GRID1: variants seen among roughly 807,000 people sequenced by gnomAD.
GRID1 encodes the protein glutamate ionotropic receptor delta type subunit 1.
A neutral mutation model predicts 98.0 loss-of-function variants in GRID1; 28 were observed. That is an observed-to-expected ratio of 0.29 (90% confidence interval 0.21 to 0.39). The LOEUF is 0.39. Among genes scored for constraint, GRID1 ranks in the 10% least tolerant of loss-of-function variants. GRID1 has a pLI of 1.00. For synonymous variants in GRID1, 553 were observed against 538.5 expected (o/e 1.03, Z -0.37); for missense variants, 1,111 against 1,340.5 (o/e 0.83, Z 2.67).
intron 10 of GRID1, among the ~76,000 whole-genome samples, chr10:85,727,057 C>T (rs1189842648): frequency 6.6e-6 from 1 of 152,154 alleles, no homozygotes; most frequent in African/African-American, 2.4e-5. Context: ...AGAAGGACAA[C>T]TTGTTGTGGT....
At chr10:85,622,470 G>T (rs772048366) in intron 13 of GRID1, among the ~76,000 whole-genome samples, 3 of 152,024 alleles carry the variant, frequency 2.0e-5, no homozygotes, top group Non-Finnish European at 4.4e-5. Flanking sequence ...TGAACTCCTG[G>T]GCTCAAGCAA....
chr10:86,160,394 C>T (rs1457069275), intron 3 of GRID1, among the ~76,000 whole-genome samples: 2 of 152,260 alleles, frequency 1.3e-5, no homozygotes, highest in African/African-American at 4.8e-5. Context: ...AACTAGCTAG[C>T]ATCGCCACTC....
chr10:85,947,090 G>C (rs1842063025), intron 4 of GRID1, among the ~76,000 whole-genome samples: 1 of 152,198 alleles, frequency 6.6e-6, no homozygotes, highest in African/African-American at 2.4e-5. Context: ...CCAAATCAGA[G>C]AGGCTCCTCC....
At chr10:86,168,398 C>T (rs1215840903) in intron 3 of GRID1, among the ~76,000 whole-genome samples, 1 of 152,096 alleles carries the variant, frequency 6.6e-6, no homozygotes, top group Non-Finnish European at 1.5e-5. Flanking sequence ...CGCCCTCGTG[C>T]ACTGCACTGA....
At chr10:86,130,787 C>T (rs141090926) in intron 4 of GRID1, among the ~76,000 whole-genome samples, 11 of 152,302 alleles carry the variant, frequency 7.2e-5, no homozygotes, top group African/African-American at 1.4e-4. Context: ...AGCTGGTTAA[C>T]GCTTAAGCCA....
intron 8 of GRID1, among the ~76,000 whole-genome samples, chr10:85,738,949 C>G (rs997329564): frequency 6.6e-6 from 1 of 152,092 alleles, no homozygotes; most frequent in Non-Finnish European, 1.5e-5. Flanking sequence ...ATACATTTGT[C>G]AGAGCTGATC....
intron 2 of GRID1, among the ~76,000 whole-genome samples, chr10:86,287,624 G>A (rs1199897366): frequency 6.6e-6 from 1 of 152,216 alleles, no homozygotes; most frequent in Non-Finnish European, 1.5e-5. Flanking sequence ...GTCCACAGGA[G>A]AGGGCTGGTT....
At chr10:86,343,577 A>G (rs1848341087) in intron 2 of GRID1, among the ~76,000 whole-genome samples, 1 of 152,256 alleles carries the variant, frequency 6.6e-6, no homozygotes, top group Admixed American at 6.5e-5. Context: ...TGCAGAGAAC[A>G]TAAGCCATTG....
intron 13 of GRID1, among the ~76,000 whole-genome samples, chr10:85,641,502 C>T (rs955789716): frequency 1.3e-5 from 2 of 152,120 alleles, no homozygotes; most frequent in African/African-American, 4.8e-5. Context: ...GGTGGAAACA[C>T]ATTGAGGTGT....
intron 8 of GRID1, among the ~76,000 whole-genome samples, chr10:85,786,705 A>C (rs1205572458): frequency 6.6e-6 from 1 of 152,190 alleles, no homozygotes; most frequent in African/African-American, 2.4e-5. Flanking sequence ...TATAGATTAC[A>C]GTAATTACAG....
chr10:86,306,435 T>A (rs1381178251), intron 2 of GRID1, among the ~76,000 whole-genome samples: 1 of 152,198 alleles, frequency 6.6e-6, no homozygotes, highest in East Asian at 1.9e-4. Flanking sequence ...CATTTGGCAC[T>A]CCCTTATCTG....
At chr10:85,635,698 G>A (rs997096834) in intron 13 of GRID1, among the ~76,000 whole-genome samples, 4 of 152,202 alleles carry the variant, frequency 2.6e-5, no homozygotes, top group Non-Finnish European at 1.5e-5. Flanking sequence ...GGCACTGAGG[G>A]TTGGATGGCA....
intron 5 of GRID1, among the ~76,000 whole-genome samples, chr10:85,882,779 A>T (rs1016340535): frequency 1.3e-5 from 2 of 151,372 alleles, no homozygotes; most frequent in Admixed American, 1.3e-4. Context: ...TAATAATAAT[A>T]ATATTTTTTT....
intron 2 of GRID1, among the ~76,000 whole-genome samples, chr10:86,288,020 C>T (rs954671649): frequency 6.6e-6 from 1 of 152,224 alleles, no homozygotes; most frequent in Admixed American, 6.5e-5. Flanking sequence ...GCTCTGCCTC[C>T]ACCAAAGATG....
chr10:86,094,992 A>C (rs906435657), intron 4 of GRID1, among the ~76,000 whole-genome samples: 1 of 152,234 alleles, frequency 6.6e-6, no homozygotes, highest in Non-Finnish European at 1.5e-5. Context: ...TGATATAAAA[A>C]TAGGCACATA....
At chr10:86,140,880 G>A (rs1234826648) in intron 3 of GRID1, among the ~76,000 whole-genome samples, 1 of 152,152 alleles carries the variant, frequency 6.6e-6, no homozygotes, top group African/African-American at 2.4e-5. Flanking sequence ...AGTACGGGGA[G>A]CCCACCTCCT....
intron 8 of GRID1, among the ~76,000 whole-genome samples, chr10:85,849,563 C>A (rs917728869): frequency 6.6e-6 from 1 of 152,152 alleles, no homozygotes; most frequent in African/African-American, 2.4e-5. Context: ...CTAATGCTGG[C>A]TGGGGAAGGT....
chr10:85,665,755 G>A (rs780264215), intron 12 of GRID1, among the ~76,000 whole-genome samples: 1 of 152,104 alleles, frequency 6.6e-6, no homozygotes, highest in African/African-American at 2.4e-5. Flanking sequence ...TGATATAAAC[G>A]CCTGCCACCC....
At chr10:86,164,787 C>T (rs1323704118) in intron 3 of GRID1, among the ~76,000 whole-genome samples, 1 of 152,126 alleles carries the variant, frequency 6.6e-6, no homozygotes, top group Non-Finnish European at 1.5e-5. Flanking sequence ...GAAGCCATTC[C>T]CTCCAATGTA....
Sources: allele counts gnomAD v4.1 joint callset (sites outside exome capture counted in the v4.1 genomes callset), GRCh38; gene constraint gnomAD v4.1.1; transcripts MANE v1.5; gene names NCBI Gene and HGNC (gene_info 2026-07-23, HGNC 2026-07-21).